PTPN13: variants seen among roughly 807,000 people sequenced by gnomAD.
PTPN13 encodes tyrosine-protein phosphatase non-receptor type 13.
A neutral mutation model predicts 284.0 loss-of-function variants in PTPN13; 191 were observed. That is an observed-to-expected ratio of 0.67 (90% CI 0.60 to 0.76). The LOEUF is 0.76. PTPN13 is among the 30% of genes least tolerant of loss of function. PTPN13 has a pLI of 0.00. For missense variants in PTPN13, 2,797 were observed against 2,939.9 expected (o/e 0.95, Z 1.12); for synonymous variants, 986 against 1,022.3 (o/e 0.96, Z 0.68).
chr4:86,737,949 C>T (rs372847497), intron 15 of PTPN13, among the ~76,000 whole-genome samples: 6 of 152,264 alleles, frequency 3.9e-5, no homozygotes, highest in South Asian at 4.1e-4. Flanking sequence ...AGGATGGTCT[C>T]GATCTCTTGA....
At chr4:86,763,981 G>A (rs1447027349) in intron 24 of PTPN13, among the ~76,000 whole-genome samples, 1 of 151,920 alleles carries the variant, frequency 6.6e-6, no homozygotes, top group Non-Finnish European at 1.5e-5. Flanking sequence ...AGCAGTTTTA[G>A]AAAAAAATCT....
At chr4:86,625,103 A>G (rs1356655271) in intron 1 of PTPN13, among the ~76,000 whole-genome samples, 1 of 152,164 alleles carries the variant, frequency 6.6e-6, no homozygotes, top group East Asian at 1.9e-4. Flanking sequence ...TCAGCAGACC[A>G]GATGAAGTAT....
intron 23 of PTPN13, among the ~76,000 whole-genome samples, chr4:86,761,731 C>T (rs1464667636): frequency 3.9e-5 from 6 of 152,058 alleles, no homozygotes; most frequent in East Asian, 1.9e-4. Context: ...TCCCTTGTTC[C>T]GTGGGAGTTT....
At chr4:86,655,853 A>G (rs1725735938) in intron 2 of PTPN13, among the ~76,000 whole-genome samples, 1 of 152,084 alleles carries the variant, frequency 6.6e-6, no homozygotes. Flanking sequence ...ACTTGGTTCC[A>G]TTCTCCCCAT....
chr4:86,802,701 G>A (rs188421883), intron 42 of PTPN13, among the ~76,000 whole-genome samples: 3 of 152,124 alleles, frequency 2.0e-5, no homozygotes, highest in Admixed American at 6.5e-5. Context: ...TGTAAGATGC[G>A]GTGAGAATGG....
intron 2 of PTPN13, among the ~76,000 whole-genome samples, chr4:86,645,765 A>C (rs1724351493): frequency 6.6e-6 from 1 of 152,184 alleles, no homozygotes; most frequent in Non-Finnish European, 1.5e-5. Context: ...AGTTTTCTCT[A>C]AATTGATCTC....
chr4:86,617,773 G>A (rs1197227894), intron 1 of PTPN13, among the ~76,000 whole-genome samples: 1 of 151,826 alleles, frequency 6.6e-6, no homozygotes, highest in Non-Finnish European at 1.5e-5. Context: ...CTTTTTGATG[G>A]GGTTTTTTTT....
At chr4:86,618,124 C>T (rs2148652155) in intron 1 of PTPN13, among the ~76,000 whole-genome samples, 1 of 152,158 alleles carries the variant, frequency 6.6e-6, no homozygotes, top group South Asian at 2.1e-4. Context: ...GGAAGGGATC[C>T]AGTTTCAGCT....
intron 28 of PTPN13, 26 bp from the exon 29 acceptor site, chr4:86,769,743 A>G (rs1363943417): frequency 6.9e-7 from 1 of 1,452,032 alleles, no homozygotes. Context: ...ATAATATCTA[A>G]ATTTTTTTTA....
chr4:86,595,867 T>C, intron 1 of PTPN13: 7 of 576,662 alleles, frequency 1.2e-5, no homozygotes, highest in Non-Finnish European at 1.5e-5. Flanking sequence ...TAAAAGTGCA[T>C]GTATTATGAA....
chr4:86,770,250 A>G (rs1739835317), intron 30 of PTPN13, 51 bp downstream of exon 30: 1 of 1,474,106 alleles, frequency 6.8e-7, no homozygotes. Context: ...CAACTTAGCA[A>G]CTAACTAATT....
chr4:86,792,735 C>T (rs1742831336), intron 40 of PTPN13, among the ~76,000 whole-genome samples: 1 of 152,172 alleles, frequency 6.6e-6, no homozygotes, highest in Non-Finnish European at 1.5e-5. Context: ...ATGTTCAACT[C>T]AGAATCTCAT....
At chr4:86,670,012 G>C (rs759695477) in intron 2 of PTPN13, among the ~76,000 whole-genome samples, 1 of 151,524 alleles carries the variant, frequency 6.6e-6, no homozygotes, top group Admixed American at 6.6e-5. Context: ...AGTAGTGAGC[G>C]AAAGAAGTGT....
At chr4:86,746,861 C>A (rs1736824305) in intron 17 of PTPN13, among the ~76,000 whole-genome samples, 1 of 152,268 alleles carries the variant, frequency 6.6e-6, no homozygotes, top group East Asian at 1.9e-4. Context: ...AAACTCCTGA[C>A]CTTCGTGATC....
chr4:86,686,761 G>A lies in PTPN13; in HGVS notation c.346G>A (p.Val116Met), dbSNP rs371902385. The change falls in exon 4 of 48, where the codon GTG (valine) becomes ATG (methionine). Residue 116 changes from valine (V) to methionine (M), a missense_variant. Physicochemically the swap from Val to Met is conservative, Grantham distance 21. Transcript: ENST00000411767. ...MTLYWGADYEVPQSQPIKLGD... is the reference protein window; with the variant it reads ...MTLYWGADYEMPQSQPIKLGD... ...ACTGTATTGGGGGGCTGATTATGAA[G>A]TGCCTCAGAGCCAAGTAAGTTAAGT... 99 of 1,579,430 alleles carry A rather than the reference G, an allele frequency of 6.3e-5. 2 individuals are homozygous for A. The South Asian group carries it at 1.0e-3, about 16-fold the overall frequency.
intron 17 of PTPN13, among the ~76,000 whole-genome samples, chr4:86,745,483 G>A (rs185624705): frequency 2.6e-5 from 4 of 152,170 alleles, no homozygotes; most frequent in African/African-American, 9.6e-5. Context: ...CACAATAGAA[G>A]TTCAGGATTT....
At position 86,734,340 on chromosome 4, in the gene PTPN13, A is replaced by G. The variant is rs2149136222; in HGVS notation, c.1896A>G (p.Leu632=). 3 of 1,545,586 alleles carry G rather than the reference A, an allele frequency of 1.9e-6. No individual in the cohort carries two copies. In the African/African-American group the frequency reaches 4.1e-5, roughly 21 times the overall value. ...EYFFVDPDLK[L]TKVAPEGWKE... ...TCTTTGTTGATCCTGACTTAAAATT[A>G]ACCAAAGTGGCCCCAGAGGGATGGA... The change falls in exon 13 of 48, where the codon TTA becomes TTG. Residue 632 remains leucine (L), a synonymous_variant. Coordinates refer to ENST00000411767, the MANE Select transcript of PTPN13 (RefSeq NM_080683.3).
chr4:86,757,199 G>A (rs1378796454), intron 20 of PTPN13, among the ~76,000 whole-genome samples: 1 of 152,092 alleles, frequency 6.6e-6, no homozygotes, highest in Non-Finnish European at 1.5e-5. Context: ...AAAAAACCTA[G>A]TGGAAATAAG....
At chr4:86,775,913 A>G (rs1452784117) in intron 35 of PTPN13, among the ~76,000 whole-genome samples, 1 of 152,120 alleles carries the variant, frequency 6.6e-6, no homozygotes. Flanking sequence ...GTTTAACAAG[A>G]AAGGGAATTT....
Sources: gnomAD v4.1 joint callset for allele counts (sites outside exome capture counted in the v4.1 genomes callset) on GRCh38, gnomAD v4.1.1 for gene constraint, MANE v1.5 for transcripts, NCBI Gene and HGNC (gene_info 2026-07-23, HGNC 2026-07-21) for gene names.